TCF25: variants seen among roughly 807,000 people sequenced by gnomAD.
TCF25 encodes TCF25 ribosome quality control complex subunit.
Under a neutral mutation model 83.1 loss-of-function variants are expected in TCF25, and 41 were observed. That is an observed-to-expected ratio of 0.49 (90% CI 0.38 to 0.64). The LOEUF is 0.64. Among genes scored for constraint, TCF25 ranks in the 30% least tolerant of loss-of-function variants. The probability of loss-of-function intolerance (pLI) is 0.00; values close to 1 mark genes in which losing one functional copy is unlikely to be tolerated. For synonymous variants in TCF25, 458 were observed against 365.0 expected, an observed-to-expected ratio of 1.25 and a Z score of -2.90; for missense variants, 979 against 914.5, an observed-to-expected ratio of 1.07 and a Z score of -0.91.
At chr16:89,911,045 A>T (rs1872167389) in intron 17 of TCF25, 35 bp from the exon 18 acceptor site, 1 of 1,607,272 alleles carries the variant, frequency 6.2e-7, no homozygotes, top group African/African-American at 1.3e-5. Context: ...CCCAGCACAG[A>T]CAGCCCCCTT....
intron 4 of TCF25, among the ~76,000 whole-genome samples, chr16:89,887,222 A>G (rs1337872831): frequency 1.3e-5 from 2 of 151,978 alleles, no homozygotes; most frequent in South Asian, 2.1e-4. Flanking sequence ...TTACCCTGTC[A>G]TCCTTGGATG....
chr16:89,873,794 C>T lies in TCF25; in HGVS notation c.127C>T (p.Leu43Phe), dbSNP rs748552916. The part of the protein sequence containing the change: ...DAEEEGPKRE[L>F]GVRRPGGAGK... ...GGAAGAAGAAGGGCCCAAGCGGGAG[C>T]TTGGTGTCCGGCGTCCCGGGGGCGC... Residue 43 changes from leucine to phenylalanine, a missense_variant, in exon 1 of 18, where the codon CTT (leucine) becomes TTT (phenylalanine). Coordinates refer to ENST00000263346, the MANE Select transcript of TCF25 (RefSeq NM_014972.3). 20 of 1,604,562 alleles carry T rather than the reference C, an allele frequency of 1.2e-5. No individual in the cohort carries two copies. Among genetic ancestry groups the T allele is most frequent in the Non-Finnish European group, 1.5e-5 (18 of 1,176,570 alleles).
chr16:89,903,539 C>T (rs190140998), intron 12 of TCF25, among the ~76,000 whole-genome samples: 15 of 152,224 alleles, frequency 9.9e-5, no homozygotes, highest in Non-Finnish European at 1.6e-4. Context: ...GGTGTGGTGG[C>T]GGACGCCTGT....
chr16:89,878,747 T>C, intron 1 of TCF25: 1 of 788,352 alleles, frequency 1.3e-6, no homozygotes, highest in Non-Finnish European at 1.6e-6. Context: ...TTCACTCCAT[T>C]GTCCAGCCTC....
intron 6 of TCF25, 76 bp downstream of exon 6, chr16:89,892,351 C>A (rs1393860318): frequency 6.6e-7 from 1 of 1,504,862 alleles, no homozygotes; most frequent in Non-Finnish European, 9.0e-7. Flanking sequence ...TACAGCAAAC[C>A]AGGTGAGGGT....
chr16:89,910,609 T>C lies in TCF25; in HGVS notation c.1818T>C (p.His606=), dbSNP rs1468685166. The C allele has an allele frequency of 4.3e-6, 7 of 1,612,606 alleles. No homozygotes were observed. Among genetic ancestry groups the C allele is most frequent in the Admixed American group, 1.7e-5 (1 of 60,000 alleles). The change falls in exon 17 of 18, where the codon CAT becomes CAC. Residue 606 remains histidine, a synonymous_variant. Transcript: ENST00000263346. ...VRPERLSPIS[H]GNTIALFFRS... Reference sequence around the variant, plus strand: ...CTTTCAGGCTAAGTCCTATCAGCCATGGAAACACCATTGCTCTCTTCTTCC... The same window carrying C: ...CTTTCAGGCTAAGTCCTATCAGCCACGGAAACACCATTGCTCTCTTCTTCC...
chr16:89,895,570 C>T (rs1048948487), intron 8 of TCF25, among the ~76,000 whole-genome samples: 2 of 152,222 alleles, frequency 1.3e-5, no homozygotes, highest in African/African-American at 4.8e-5. Context: ...ATCAGAACGT[C>T]GTTCGTTTTT....
At chr16:89,899,324 A>T (rs1481554668) in intron 11 of TCF25, among the ~76,000 whole-genome samples, 2 of 152,142 alleles carry the variant, frequency 1.3e-5, no homozygotes, top group East Asian at 3.9e-4. Flanking sequence ...GAGAGACTTG[A>T]GCTCTGTCCC....
chr16:89,905,761 T>A (rs1005524454), intron 14 of TCF25, among the ~76,000 whole-genome samples: 1 of 152,238 alleles, frequency 6.6e-6, no homozygotes, highest in Non-Finnish European at 1.5e-5. Flanking sequence ...CCCACTGGAC[T>A]GGACATTCTC....
Position 89,904,804 on chromosome 16 carries a change from C to T in TCF25, c.1470-134C>T, listed in dbSNP as rs1189004345. 2.7e-6 allele frequency: 3 copies of T among 1,110,634 alleles called. No individual in the cohort carries two copies. In the South Asian group the frequency reaches 4.0e-5, roughly 15 times the overall value. The allele number at this position is 1,110,634 out of a possible 1,614,324, so 68.8% of individuals were successfully genotyped here. On this transcript the variant is annotated intron_variant, in intron 13 of 17. Transcript: ENST00000263346. ...GCCCCACGCCCTCAGGCCAGCAGCC[C>T]AGGGGCCTCCTTTCACTCCAGGCCA...
At chr16:89,895,232 G>A (rs1237521596) in intron 8 of TCF25, 95 bp downstream of exon 8, 3 of 1,147,090 alleles carry the variant, frequency 2.6e-6, no homozygotes, top group Non-Finnish European at 2.5e-6. Flanking sequence ...GGGTTGCCAG[G>A]ATATCCATGA....
chr16:89,909,170 ACTG>A, intron 16 of TCF25: 1 of 1,273,384 alleles, frequency 7.9e-7, no homozygotes, highest in Admixed American at 2.3e-5. Flanking sequence ...TAAAATCAAA[ACTG>A]CACCAGCCTG....
At chr16:89,895,285 A>G in intron 8 of TCF25, 148 bp downstream of exon 8, 1 of 727,508 alleles carries the variant, frequency 1.4e-6, no homozygotes, top group Non-Finnish European at 2.2e-6. Flanking sequence ...AAACTTACCC[A>G]TTTAAAGTTT....
intron 7 of TCF25, among the ~76,000 whole-genome samples, chr16:89,894,217 C>T (rs902983784): frequency 1.3e-5 from 2 of 152,240 alleles, no homozygotes; most frequent in African/African-American, 2.4e-5. Context: ...TCCCGGCCCC[C>T]GTGCAGCCCC....
chr16:89,899,580 T>A (rs11646270), intron 11 of TCF25, among the ~76,000 whole-genome samples: 1 of 151,932 alleles, frequency 6.6e-6, no homozygotes, highest in Non-Finnish European at 1.5e-5. Context: ...AATACAAAAT[T>A]AGCTGGGCGT....
chr16:89,908,597 G>A (rs865780633), intron 16 of TCF25, among the ~76,000 whole-genome samples: 167 of 22,474 alleles, frequency 7.4e-3, no homozygotes, highest in Middle Eastern at 0.037. Context: ...CCCAGCTCCC[G>A]CCTCCCTCCT....
intron 4 of TCF25, among the ~76,000 whole-genome samples, chr16:89,887,414 C>G (rs934919261): frequency 1.3e-5 from 2 of 152,210 alleles, no homozygotes; most frequent in African/African-American, 4.8e-5. Flanking sequence ...CACAGTGCCT[C>G]TTGACACAGC....
intron 6 of TCF25, 101 bp downstream of exon 6, chr16:89,892,376 G>A: frequency 7.3e-7 from 1 of 1,373,836 alleles, no homozygotes; most frequent in Admixed American, 2.2e-5. Flanking sequence ...AGAGGCTGCT[G>A]GGGGTGGAGG....
At chr16:89,889,105 G>A (rs1260943907) in intron 5 of TCF25, 1 of 278,930 alleles carries the variant, frequency 3.6e-6, no homozygotes, top group Non-Finnish European at 6.9e-6. Context: ...AGGAAGAGCA[G>A]GGGGGGTGTC....
Sources: gnomAD v4.1 joint callset for allele counts (sites outside exome capture counted in the v4.1 genomes callset) on GRCh38, gnomAD v4.1.1 for gene constraint, MANE v1.5 for transcripts, NCBI Gene and HGNC (gene_info 2026-07-23, HGNC 2026-07-21) for gene names.